The following RORA variants were observed in gnomAD, a reference collection of about 807,000 sequenced individuals.
RORA encodes RAR related orphan receptor A.
In RORA, 7 loss-of-function variants were observed where a neutral mutation model predicts 69.5. The ratio of observed to expected loss-of-function variants is 0.10; its 90% CI spans 0.06 to 0.19. The LOEUF (loss-of-function observed/expected upper bound fraction) is 0.19, where lower values mean the gene tolerates loss of function less well. Among genes scored for constraint, RORA ranks in the 10% least tolerant of loss-of-function variants. The probability of loss-of-function intolerance (pLI) is 1.00; values close to 1 mark genes in which losing one functional copy is unlikely to be tolerated. For synonymous variants in RORA, 261 were observed against 240.8 expected (o/e 1.08, Z -0.78); for missense variants, 457 against 663.0 (o/e 0.69, Z 3.41).
At chr15:60,876,638 A>G (rs535277701) in intron 1 of RORA, among the ~76,000 whole-genome samples, 1 of 152,008 alleles carries the variant, frequency 6.6e-6, no homozygotes, top group East Asian at 1.9e-4. Context: ...TTTTTTTCTG[A>G]AATAATTTTT....
chr15:61,080,578 C>T (rs1017602459), intron 1 of RORA, among the ~76,000 whole-genome samples: 18 of 152,174 alleles, frequency 1.2e-4, no homozygotes, highest in Non-Finnish European at 2.1e-4. Context: ...ATTCTGCTGC[C>T]CCATCTTGTG....
intron 1 of RORA, among the ~76,000 whole-genome samples, chr15:60,783,738 T>C (rs1168172983): frequency 1.3e-5 from 2 of 152,172 alleles, no homozygotes; most frequent in Non-Finnish European, 1.5e-5. Context: ...CTCCTCATAC[T>C]AGCCACATGA....
At chr15:60,698,959 T>G (rs983970877) in intron 1 of RORA, among the ~76,000 whole-genome samples, 2 of 152,170 alleles carry the variant, frequency 1.3e-5, no homozygotes, top group Admixed American at 1.3e-4. Context: ...TGCTCACTTT[T>G]GTATTGTGGT....
intron 3 of RORA, among the ~76,000 whole-genome samples, chr15:60,516,220 T>TAA: frequency 7.9e-5 from 1 of 12,674 alleles, no homozygotes; most frequent in Admixed American, 1.6e-3. Flanking sequence ...TATATATATA[T>TAA]ATTTATATAT....
chr15:60,683,764 C>A (rs2070694876), intron 1 of RORA, among the ~76,000 whole-genome samples: 2 of 152,150 alleles, frequency 1.3e-5, no homozygotes, highest in Non-Finnish European at 1.5e-5. Flanking sequence ...CCAATTAAAC[C>A]CCTAAAACTA....
intron 1 of RORA, among the ~76,000 whole-genome samples, chr15:60,921,260 A>G (rs1892037211): frequency 6.6e-6 from 1 of 151,980 alleles, no homozygotes; most frequent in South Asian, 2.1e-4. Flanking sequence ...ATTCATAAAA[A>G]CCCCAAAATG....
rs2070591373 is a variant in RORA, at chr15:60,678,676, T to C, written c.177A>G (p.Val59=). The C allele has an allele frequency of 6.2e-7, 1 of 1,612,568 alleles. No individual in the cohort carries two copies. Among genetic ancestry groups the C allele is most frequent in the African/African-American group, 1.3e-5 (1 of 75,000 alleles). The change falls in exon 2 of 11, where the codon GTA becomes GTG. Residue 59 remains valine (V), a synonymous_variant. Coordinates refer to ENST00000335670, the MANE Select transcript of RORA (RefSeq NM_134261.3). ...ACTTACATGTATGTGTCTTCTTCGT[T>C]ACTGAGATACCTGGAAGAGAAGAAA... The part of the protein sequence containing the change: ...SYSSTSRGIS[V]TKKTHTSQIE...
chr15:60,755,289 C>T (rs1182729596), intron 1 of RORA, among the ~76,000 whole-genome samples: 1 of 151,858 alleles, frequency 6.6e-6, no homozygotes, highest in Non-Finnish European at 1.5e-5. Context: ...CCAGCTTCAT[C>T]CATGTCCCTA....
intron 3 of RORA, among the ~76,000 whole-genome samples, chr15:60,515,017 C>T (rs1335213540): frequency 6.6e-6 from 1 of 152,206 alleles, no homozygotes; most frequent in Non-Finnish European, 1.5e-5. Context: ...TGTAAAAAGG[C>T]ACAGGACCAG....
At chr15:60,772,249 C>T (rs1193431897) in intron 1 of RORA, among the ~76,000 whole-genome samples, 4 of 151,954 alleles carry the variant, frequency 2.6e-5, no homozygotes, top group Admixed American at 6.6e-5. Flanking sequence ...TGATGTTCCC[C>T]GCTTTGTGTC....
chr15:60,922,750 G>T (rs1892091407), intron 1 of RORA, among the ~76,000 whole-genome samples: 1 of 152,188 alleles, frequency 6.6e-6, no homozygotes, highest in Non-Finnish European at 1.5e-5. Context: ...GTATTGTCAT[G>T]AAGCTTCCTA....
intron 1 of RORA, among the ~76,000 whole-genome samples, chr15:60,984,215 C>G (rs988759759): frequency 6.6e-6 from 1 of 152,022 alleles, no homozygotes; most frequent in Non-Finnish European, 1.5e-5. Context: ...TAACAAGATG[C>G]TTTTGTTCCT....
intron 2 of RORA, among the ~76,000 whole-genome samples, chr15:60,573,152 A>G (rs1474621507): frequency 1.3e-5 from 2 of 152,194 alleles, no homozygotes; most frequent in East Asian, 3.8e-4. Flanking sequence ...CCGTCCTTTC[A>G]TGGCCCTACT....
chr15:60,555,973 C>T (rs1009455086), intron 2 of RORA, among the ~76,000 whole-genome samples: 11 of 152,090 alleles, frequency 7.2e-5, no homozygotes, highest in Non-Finnish European at 8.8e-5. Flanking sequence ...ATTGTGGAAC[C>T]TCGGCTTACA....
At chr15:61,103,366 T>C (rs952976770) in intron 1 of RORA, among the ~76,000 whole-genome samples, 13 of 152,236 alleles carry the variant, frequency 8.5e-5, no homozygotes, top group Non-Finnish European at 1.6e-4. Context: ...CAGGACCTCA[T>C]TGCTCCTACT....
chr15:60,742,153 T>C (rs1409200878), intron 1 of RORA, among the ~76,000 whole-genome samples: 1 of 152,192 alleles, frequency 6.6e-6, no homozygotes, highest in Non-Finnish European at 1.5e-5. Context: ...GGAGTTATTA[T>C]CTTCAACAGC....
chr15:60,821,451 C>T (rs6494228), intron 1 of RORA, among the ~76,000 whole-genome samples: 99,279 of 152,060 alleles, frequency 0.65, 32,832 homozygotes, highest in South Asian at 0.81. Context: ...GCTCCTTCTT[C>T]CTTTCACCAC....
At chr15:60,834,265 C>T (rs2073085396) in intron 1 of RORA, among the ~76,000 whole-genome samples, 1 of 152,182 alleles carries the variant, frequency 6.6e-6, no homozygotes, top group Admixed American at 6.5e-5. Context: ...ACCTTACTCT[C>T]ATGTTTTCAT....
At chr15:60,716,984 A>G (rs1045951558) in intron 1 of RORA, among the ~76,000 whole-genome samples, 6 of 152,208 alleles carry the variant, frequency 3.9e-5, no homozygotes, top group Non-Finnish European at 8.8e-5. Flanking sequence ...AATTGAACCC[A>G]AAGAGAGGGT....
Sources: gnomAD v4.1 joint callset for allele counts (sites outside exome capture counted in the v4.1 genomes callset) on GRCh38, gnomAD v4.1.1 for gene constraint, MANE v1.5 for transcripts, NCBI Gene and HGNC (gene_info 2026-07-23, HGNC 2026-07-21) for gene names.